SLF1: variants seen among roughly 807,000 people sequenced by gnomAD.
The protein encoded by SLF1 is SMC5/6 complex localization factor 1.
Under a neutral mutation model 123.0 loss-of-function variants are expected in SLF1, and 105 were observed. The ratio of observed to expected loss-of-function variants is 0.85; its 90% CI spans 0.73 to 1.00. The LOEUF is 1.00. Among genes scored for constraint, SLF1 ranks in the 50% least tolerant of loss-of-function variants. SLF1 has a pLI of 0.00. For missense variants in SLF1, 1,239 were observed against 1,223.0 expected (o/e 1.01, Z -0.20); for synonymous variants, 434 against 406.6 (o/e 1.07, Z -0.81).
chr5:94,629,776 T>C (rs1479601318), intron 3 of SLF1: 1 of 152,196 alleles, frequency 6.6e-6, no homozygotes, highest in Non-Finnish European at 1.5e-5. Context: ...AGGAAAACAC[T>C]TGCATTCGTT....
At chr5:94,651,594 T>C (rs551303744) in intron 6 of SLF1, 108 bp from the exon 7 acceptor site, 2 of 851,278 alleles carry the variant, frequency 2.3e-6, no homozygotes, top group South Asian at 4.3e-5. Flanking sequence ...ATGTATATTT[T>C]ACAAAATCTA....
At chr5:94,663,489 C>CA (rs1749372912) in intron 10 of SLF1, among the ~76,000 whole-genome samples, 1 of 152,156 alleles carries the variant, frequency 6.6e-6, no homozygotes, top group African/African-American at 2.4e-5. Context: ...GCTAAGAATA[C>CA]AAAAATCAGC....
At chr5:94,621,767 C>T (rs17328331) in intron 1 of SLF1, among the ~76,000 whole-genome samples, 1 of 151,988 alleles carries the variant, frequency 6.6e-6, no homozygotes, top group Non-Finnish European at 1.5e-5. Flanking sequence ...TTCCTTCTAG[C>T]GCTAAATTTG....
rs1377555278 is a variant in SLF1, at chr5:94,692,123, A to G, written c.2562A>G (p.Thr854=). The G allele has an allele frequency of 1.9e-6, 3 of 1,613,684 alleles. No homozygotes were observed. The highest frequency in any genetic ancestry group is 1.3e-5 in the African/African-American group (1 of 74,892). The change falls in exon 20 of 21, where the codon ACA becomes ACG. Residue 854 remains threonine, a synonymous_variant. Coordinates refer to ENST00000265140, the MANE Select transcript of SLF1 (RefSeq NM_032290.4). ...PLHEACNYGN[T]VCVQEILQRC... ...ATGAAGCCTGTAACTATGGCAACACAGTGTGTGTCCAGGAAATTTTGCAAC... is the reference window on the plus strand; with the variant it reads ...ATGAAGCCTGTAACTATGGCAACACGGTGTGTGTCCAGGAAATTTTGCAAC...
chr5:94,684,653 A>G (rs1041853546), intron 15 of SLF1, among the ~76,000 whole-genome samples: 120 of 141,362 alleles, frequency 8.5e-4, no homozygotes, highest in African/African-American at 3.0e-3. Context: ...AGCCGAGATC[A>G]CGCCACTGCA....
At position 94,695,721 on chromosome 5, in the gene SLF1, T is replaced by A. The variant is rs949922517; in HGVS notation, c.*409T>A. ...AAATGCGTACCTATAAACTTGTAGC[T>A]CCTGACTCTTAGGGATGGATTTTGA... On this transcript the variant is annotated 3_prime_UTR_variant, in exon 21 of 21. Coordinates refer to ENST00000265140, the MANE Select transcript of SLF1 (RefSeq NM_032290.4). The A allele has an allele frequency of 5.9e-5, 9 of 151,978 alleles. No homozygotes were observed. Among genetic ancestry groups the A allele is most frequent in the African/African-American group, 2.2e-4 (9 of 41,400 alleles). The allele number at this position is 151,978 out of a possible 1,614,324, so 9.4% of individuals were successfully genotyped here.
At chr5:94,674,904 T>C (rs1199206566) in intron 14 of SLF1, among the ~76,000 whole-genome samples, 1 of 152,220 alleles carries the variant, frequency 6.6e-6, no homozygotes, top group African/African-American at 2.4e-5. Flanking sequence ...TGTAAGCTAG[T>C]TTATATTAAT....
At chr5:94,689,147 G>C (rs1229621838) in intron 17 of SLF1, among the ~76,000 whole-genome samples, 1 of 152,162 alleles carries the variant, frequency 6.6e-6, no homozygotes, top group East Asian at 1.9e-4. Context: ...AGTAAGAATG[G>C]GGAGCAGAGG....
At chr5:94,656,774 T>C (rs1052207121) in intron 9 of SLF1, among the ~76,000 whole-genome samples, 3 of 151,818 alleles carry the variant, frequency 2.0e-5, no homozygotes, top group African/African-American at 7.2e-5. Flanking sequence ...GTATAGTTCA[T>C]AATAGTCTCT....
At chr5:94,641,679 CT>C (rs1746464474) in intron 4 of SLF1, among the ~76,000 whole-genome samples, 1 of 152,180 alleles carries the variant, frequency 6.6e-6, no homozygotes, top group Non-Finnish European at 1.5e-5. Flanking sequence ...TTTTCATGCT[CT>C]TCCTTTCTCT....
intron 3 of SLF1, among the ~76,000 whole-genome samples, chr5:94,629,390 G>A (rs1744959556): frequency 6.8e-6 from 1 of 146,782 alleles, no homozygotes; most frequent in Non-Finnish European, 1.5e-5. Context: ...ACCTCAACAA[G>A]GATTTAGTGT....
chr5:94,639,706 A>G (rs1208074608), intron 4 of SLF1, among the ~76,000 whole-genome samples: 1 of 152,232 alleles, frequency 6.6e-6, no homozygotes, highest in Non-Finnish European at 1.5e-5. Context: ...TTGTTATAAG[A>G]AAATCATAAG....
intron 14 of SLF1, chr5:94,678,406 A>G (rs1395748870): frequency 6.5e-6 from 1 of 153,408 alleles, no homozygotes; most frequent in Non-Finnish European, 1.5e-5. Flanking sequence ...TGTAAAGAAT[A>G]ATTCTGTATA....
chr5:94,648,488 CCTTT>C (rs1473557700), intron 5 of SLF1, among the ~76,000 whole-genome samples: 2 of 152,076 alleles, frequency 1.3e-5, no homozygotes, highest in African/African-American at 4.8e-5. Flanking sequence ...CTGAAAATAG[CCTTT>C]CTTTCTTTAG....
At position 94,643,406 on chromosome 5, in the gene SLF1, A is replaced by G. The variant is rs771110013; in HGVS notation, c.565A>G (p.Ile189Val). 4.0e-5 allele frequency: 61 copies of G among 1,516,224 alleles called. No homozygotes were observed. Among genetic ancestry groups the G allele is most frequent in the African/African-American group, 8.4e-5 (6 of 71,396 alleles). The allele number at this position is 1,516,224 out of a possible 1,614,324, so 93.9% of individuals were successfully genotyped here. A position where few individuals can be genotyped will look rare whatever the true frequency, so the allele number is the denominator to read the frequency against. Residue 189 changes from isoleucine to valine, a missense_variant, in exon 5 of 21, where the codon ATT becomes GTT. Transcript: ENST00000265140. ...KDNFKAPFYP[I>V]QYLGDFLLEK... Reference sequence around the variant, plus strand: ...TAACTTTAAGGCTCCATTTTATCCAATTCAGTATCTAGGGGATTTTCTTTT... The same window carrying G: ...TAACTTTAAGGCTCCATTTTATCCAGTTCAGTATCTAGGGGATTTTCTTTT...
chr5:94,694,401 A>G (rs1452826346), intron 20 of SLF1, among the ~76,000 whole-genome samples: 1 of 151,848 alleles, frequency 6.6e-6, no homozygotes, highest in African/African-American at 2.4e-5. Context: ...CACTGCTAGA[A>G]TTGTTTATTA....
intron 9 of SLF1, among the ~76,000 whole-genome samples, 184 bp from the exon 10 acceptor site, chr5:94,662,114 T>G (rs1749193205): frequency 6.6e-6 from 1 of 152,236 alleles, no homozygotes; most frequent in Non-Finnish European, 1.5e-5. Flanking sequence ...GAAATGCTCA[T>G]AGTCGTGAGA....
chr5:94,655,326 A>G (rs1748249634), intron 9 of SLF1, among the ~76,000 whole-genome samples: 1 of 152,170 alleles, frequency 6.6e-6, no homozygotes. Context: ...TGTTTGGGTT[A>G]CTATAGCTTT....
chr5:94,649,075 A>T (rs1747390786), intron 5 of SLF1, among the ~76,000 whole-genome samples: 1 of 152,174 alleles, frequency 6.6e-6, no homozygotes, highest in Admixed American at 6.5e-5. Flanking sequence ...TACCAGGAAA[A>T]AACTGAAAAA....
Sources: gnomAD v4.1 joint callset for allele counts (sites outside exome capture counted in the v4.1 genomes callset) on GRCh38, gnomAD v4.1.1 for gene constraint, MANE v1.5 for transcripts, NCBI Gene and HGNC (gene_info 2026-07-23, HGNC 2026-07-21) for gene names.